Variants in OSBPL2 observed in about 807,000 individuals in gnomAD.
The protein encoded by OSBPL2 is oxysterol-binding protein-related protein 2.
In OSBPL2, 18 loss-of-function variants were observed where a neutral mutation model predicts 58.4. That is an observed-to-expected ratio of 0.31 (90% CI 0.21 to 0.46). OSBPL2 has a LOEUF of 0.46. Ranked by LOEUF, OSBPL2 falls within the 20% of genes least tolerant of loss-of-function variation. OSBPL2 has a pLI of 1.00. For synonymous variants in OSBPL2, 221 were observed against 234.1 expected, an observed-to-expected ratio of 0.94 and a Z score of 0.51; for missense variants, 461 against 616.5, an observed-to-expected ratio of 0.75 and a Z score of 2.67.
At position 62,273,412 on chromosome 20, in the gene OSBPL2, G is replaced by C. The variant is rs916031421; in HGVS notation, c.491+6G>C. ...GAAACGTATGAATTAATCAGGTAAGGGGGGAAAGGCCCATCATAAATATCT... is the reference window on the plus strand; with the variant it reads ...GAAACGTATGAATTAATCAGGTAAGCGGGGAAAGGCCCATCATAAATATCT... On this transcript the variant is annotated splice_donor_region_variant and intron_variant, in intron 6 of 13. Coordinates refer to ENST00000313733, the MANE Select transcript of OSBPL2 (RefSeq NM_144498.4). 5 of 1,580,812 alleles carry C rather than the reference G, an allele frequency of 3.2e-6. 1 individual carries two copies. The Admixed American group carries it at 5.4e-5, about 17-fold the overall frequency.
intron 3 of OSBPL2, among the ~76,000 whole-genome samples, chr20:62,262,083 A>ACCCCCCCCCCCCCCCCCCC (rs11307126): frequency 1.4e-5 from 2 of 142,064 alleles, no homozygotes; most frequent in African/African-American, 5.3e-5. Flanking sequence ...ACAGATCTGG[A>ACCCCCCCCCCCCCCCCCCC]CCCCCCCCCC....
At chr20:62,271,310 G>A (rs1982039124) in intron 4 of OSBPL2, among the ~76,000 whole-genome samples, 2 of 152,138 alleles carry the variant, frequency 1.3e-5, no homozygotes, top group African/African-American at 4.8e-5. Context: ...TTGCCAACTC[G>A]GAAGGCCTTA....
intron 6 of OSBPL2, among the ~76,000 whole-genome samples, chr20:62,277,903 A>T (rs1165180549): frequency 6.6e-6 from 1 of 152,208 alleles, no homozygotes; most frequent in African/African-American, 2.4e-5. Context: ...GGTATAAGCC[A>T]TTCCATCTCG....
intron 12 of OSBPL2, chr20:62,291,459 T>C (rs1476111507): frequency 1.3e-5 from 7 of 519,116 alleles, no homozygotes; most frequent in African/African-American, 1.9e-5. Flanking sequence ...AGTGCTGTCG[T>C]AGAACACGCA....
intron 7 of OSBPL2, among the ~76,000 whole-genome samples, chr20:62,279,745 G>A (rs1284818900): frequency 6.6e-6 from 1 of 152,270 alleles, no homozygotes. Context: ...GGACCGTGAG[G>A]TTGCGGTGGC....
rs942030179 is a variant in OSBPL2, at chr20:62,293,980, C to T, written c.*93C>T. On this transcript the variant is annotated 3_prime_UTR_variant, in exon 14 of 14. Transcript: ENST00000313733. ...TGAGCCTCGTCACAGCAGAAACCAA[C>T]TTTTCTAACGACTGAGTTCGCGGAG... The T allele has an allele frequency of 7.3e-6, 11 of 1,504,062 alleles. 1 individual carries two copies. Among genetic ancestry groups the T allele is most frequent in the Middle Eastern group, 3.5e-4 (2 of 5,706 alleles). The allele number at this position is 1,504,062 out of a possible 1,614,324, so 93.2% of individuals were successfully genotyped here.
intron 11 of OSBPL2, among the ~76,000 whole-genome samples, chr20:62,287,593 A>G (rs138264292): frequency 2.7e-3 from 408 of 152,232 alleles, no homozygotes; most frequent in Non-Finnish European, 4.5e-3. Flanking sequence ...AGTAGCGAGG[A>G]CCACAGGCGT....
chr20:62,288,459 G>A lies in OSBPL2; in HGVS notation c.1126-748G>A, dbSNP rs1347320429. Among the ~76,000 whole-genome samples the A allele has an allele frequency of 6.7e-6, 1 of 148,504 alleles. No homozygotes were observed. Among genetic ancestry groups the A allele is most frequent in the Non-Finnish European group, 1.5e-5 (1 of 67,148 alleles). On this transcript the variant is annotated intron_variant, in intron 11 of 13. Coordinates refer to ENST00000313733, the MANE Select transcript of OSBPL2 (RefSeq NM_144498.4). This position sits in a 1 kb window ranked among gnomAD's most constrained non-coding sequence, Gnocchi z 4.8. The stretch of plus-strand genomic sequence containing the variant: ...GGGTGCAGAGGCTGGGAGGCTGTGG[G>A]TACAGAGGCCGGAGGCTGTGGGTGC...
At chr20:62,272,056 A>T in intron 4 of OSBPL2, 69 bp from the exon 5 acceptor site, 1 of 1,573,552 alleles carries the variant, frequency 6.4e-7, no homozygotes, top group Non-Finnish European at 8.7e-7. Context: ...TGCTCAGAGC[A>T]GGGGCATCGG....
chr20:62,281,213 A>T, intron 8 of OSBPL2, 48 bp downstream of exon 8: 4 of 1,391,546 alleles, frequency 2.9e-6, no homozygotes, highest in Non-Finnish European at 4.1e-6. Flanking sequence ...CCGGGTGGGG[A>T]TGGGCGAGCC....
intron 1 of OSBPL2, among the ~76,000 whole-genome samples, chr20:62,249,635 C>T (rs769521202): frequency 6.6e-6 from 1 of 152,156 alleles, no homozygotes; most frequent in Non-Finnish European, 1.5e-5. Context: ...AGTGCAGTGG[C>T]GCGATCTCGG....
chr20:62,275,139 T>A (rs1223558956), intron 6 of OSBPL2, among the ~76,000 whole-genome samples: 1 of 152,180 alleles, frequency 6.6e-6, no homozygotes, highest in African/African-American at 2.4e-5. Context: ...GCCCAGGAGT[T>A]CAGTTACAGT....
At chr20:62,291,038 T>A (rs1983475085) in intron 12 of OSBPL2, among the ~76,000 whole-genome samples, 1 of 152,116 alleles carries the variant, frequency 6.6e-6, no homozygotes, top group Admixed American at 6.5e-5. Context: ...AATTTTTGTA[T>A]TTTTTATAGA....
rs1049167801 is a variant in OSBPL2 at position 62,272,065 on chromosome 20, G to T, written c.259-60G>T. 7 of 1,594,260 alleles carry T rather than the reference G, an allele frequency of 4.4e-6. No homozygotes were observed. The African/African-American group carries it at 9.4e-5, about 21-fold the overall frequency. ...AAGGGATGCTCAGAGCAGGGGCATC[G>T]GGCAGCCCAGCGGTGTCAGGAAGGC... On this transcript the variant is annotated intron_variant, in intron 4 of 13. Transcript: ENST00000313733.
rs1240838416 is a variant in OSBPL2, at chr20:62,286,650, A to G, written c.1064A>G (p.Gln355Arg). 6.2e-7 allele frequency: 1 copy of G among 1,613,738 alleles called. No homozygotes were observed. The highest frequency in any genetic ancestry group is 2.2e-5 in the East Asian group (1 of 44,890). ...DDVPVAQETVQVIPGSKLLWR... is the reference protein window; with the variant it reads ...DDVPVAQETVRVIPGSKLLWR... ...GTGCCTGTGGCCCAGGAGACCGTGC[A>G]GGTCATTCCTGGCAGCAAGCTGCTC... The change falls in exon 11 of 14, where the codon CAG (glutamine) becomes CGG (arginine). Residue 355 changes from glutamine (Q) to arginine (R), a missense_variant. Physicochemically the swap from Gln to Arg is conservative, Grantham distance 43. Around this residue, in one of 5 missense-constraint regions of OSBPL2, gnomAD observed 319 missense variants for 419.2 expected, o/e 0.76. Transcript: ENST00000313733.
At chr20:62,247,180 T>C (rs1302409052) in intron 1 of OSBPL2, among the ~76,000 whole-genome samples, 2 of 152,252 alleles carry the variant, frequency 1.3e-5, no homozygotes, top group East Asian at 1.9e-4. Flanking sequence ...CAGTGCACGA[T>C]GCTGCACCGG....
At chr20:62,274,972 T>G (rs189051319) in intron 6 of OSBPL2, among the ~76,000 whole-genome samples, 108 of 152,366 alleles carry the variant, frequency 7.1e-4, no homozygotes, top group Admixed American at 1.6e-3. Flanking sequence ...AGTCTGTTTG[T>G]TTTTTTAATT....
intron 4 of OSBPL2, among the ~76,000 whole-genome samples, chr20:62,266,571 G>C (rs1293805930): frequency 6.6e-6 from 1 of 152,046 alleles, no homozygotes; most frequent in Non-Finnish European, 1.5e-5. Flanking sequence ...GATCCGAGGT[G>C]ATTGGCTGTG....
Position 62,284,058 on chromosome 20 carries a change from C to G in OSBPL2, c.885C>G (p.Leu295=). The change falls in exon 10 of 14, where the codon CTC becomes CTG. Residue 295 remains leucine, a synonymous_variant. Coordinates refer to ENST00000313733, the MANE Select transcript of OSBPL2 (RefSeq NM_144498.4). Reference sequence around the variant, plus strand: ...CATTTAATTACAGCAAAAAGAAGCTCTTTATGATCTATGGCAAATGGACGG... The same window carrying G: ...CATTTAATTACAGCAAAAAGAAGCTGTTTATGATCTATGGCAAATGGACGG... ...GHIQDKNKKK[L]FMIYGKWTEC... is the part of the protein sequence containing the mutation. The G allele has an allele frequency of 1.9e-6, 3 of 1,613,324 alleles. No individual in the cohort carries two copies. Among genetic ancestry groups the G allele is most frequent in the Non-Finnish European group, 2.5e-6 (3 of 1,179,536 alleles).
Sources: allele counts gnomAD v4.1 joint callset (sites outside exome capture counted in the v4.1 genomes callset), GRCh38; gene constraint gnomAD v4.1.1; regional missense constraint gnomAD v4.1.1; non-coding constraint Gnocchi (gnomAD v3.1); transcripts MANE v1.5; gene names NCBI Gene and HGNC (gene_info 2026-07-23, HGNC 2026-07-21).